The following NAA15 variants were observed in gnomAD, a reference collection of about 807,000 sequenced individuals.
NAA15 encodes the protein N-terminal acetyltransferase.
NAA15 carries 34 observed loss-of-function variants against 114.0 expected under a neutral mutation model. That is an observed-to-expected ratio of 0.30 (90% CI 0.23 to 0.40). The LOEUF is 0.40. Ranked by LOEUF, NAA15 falls within the 10% of genes least tolerant of loss-of-function variation. The pLI is 1.00. For synonymous variants in NAA15, 340 were observed against 338.0 expected (o/e 1.01, Z -0.06); for missense variants, 658 against 1,004.5 (o/e 0.66, Z 4.66).
At chr4:139,346,417 CT>C (rs1404002471) in intron 6 of NAA15, among the ~76,000 whole-genome samples, 6 of 152,040 alleles carry the variant, frequency 3.9e-5, no homozygotes, top group Non-Finnish European at 8.8e-5. Flanking sequence ...TAGAATCAAT[CT>C]TTGGAAATTC....
chr4:139,387,493 G>A (rs1748941412), intron 19 of NAA15, among the ~76,000 whole-genome samples: 1 of 152,202 alleles, frequency 6.6e-6, no homozygotes, highest in Admixed American at 6.5e-5. Flanking sequence ...AGGCATATGT[G>A]CAGTAATTGG....
chr4:139,314,547 A>G (rs921110386), intron 1 of NAA15, among the ~76,000 whole-genome samples: 1 of 151,916 alleles, frequency 6.6e-6, no homozygotes, highest in African/African-American at 2.4e-5. Context: ...ACTCTGAAGT[A>G]TGGCTGTTTA....
rs1553992519 is a variant in NAA15 at position 139,315,006 on chromosome 4, T to TTTAGGTTAGGTTAGG, written c.54+13210_54+13224dup. ...AAGCGTTCAGTTCAGTTCAGTTTAG[T>TTTAGGTTAGGTTAGG]TTAGGTTAGGTTAGGTTAGGTTAGG... On this transcript the variant is annotated intron_variant, in intron 1 of 19. Transcript: ENST00000296543. Among the ~76,000 whole-genome samples the TTTAGGTTAGGTTAGG allele has an allele frequency of 4.4e-3, 443 of 101,526 alleles. 15 individuals carry two copies. The highest frequency in any genetic ancestry group is 0.016 in the East Asian group (58 of 3,722). 66.6% of individuals were successfully genotyped at this position (101,526 alleles called of 152,430 possible).
At chr4:139,304,058 C>G (rs1579075665) in intron 1 of NAA15, among the ~76,000 whole-genome samples, 1 of 152,188 alleles carries the variant, frequency 6.6e-6, no homozygotes, top group African/African-American at 2.4e-5. Flanking sequence ...GCTGGGACTA[C>G]AGGTGCCCGC....
intron 15 of NAA15, among the ~76,000 whole-genome samples, chr4:139,373,438 A>G (rs1748498045): frequency 6.6e-6 from 1 of 152,210 alleles, no homozygotes; most frequent in African/African-American, 2.4e-5. Flanking sequence ...AAACATCATT[A>G]TGTAGCACAT....
chr4:139,353,468 T>C (rs1367361235), intron 9 of NAA15, among the ~76,000 whole-genome samples: 1 of 152,152 alleles, frequency 6.6e-6, no homozygotes, highest in Non-Finnish European at 1.5e-5. Context: ...AAATAAAAAA[T>C]GCTCAGAGAT....
intron 19 of NAA15, among the ~76,000 whole-genome samples, chr4:139,387,028 T>C (rs1334402028): frequency 4.6e-5 from 7 of 152,162 alleles, no homozygotes; most frequent in Non-Finnish European, 1.0e-4. Context: ...TTAATAAATA[T>C]ATTCATTTAA....
chr4:139,328,498 A>G (rs1200147404), intron 1 of NAA15, among the ~76,000 whole-genome samples: 1 of 150,642 alleles, frequency 6.6e-6, no homozygotes, highest in African/African-American at 2.4e-5. Context: ...GTGAGCCACC[A>G]CACCTGGCTG....
chr4:139,322,670 A>G (rs1461286536), intron 1 of NAA15, among the ~76,000 whole-genome samples: 1 of 151,948 alleles, frequency 6.6e-6, no homozygotes, highest in African/African-American at 2.4e-5. Flanking sequence ...TGTTCAGCCT[A>G]CTCTGTGTGA....
In NAA15 at chr4:139,387,918, G is replaced by A. The variant is rs1432474318; in HGVS notation, c.2435G>A (p.Gly812Asp). Residue 812 changes from glycine (G) to aspartate (D), a missense_variant, in exon 20 of 20, where the codon GGT becomes GAT. Transcript: ENST00000296543. ...CMEVLEALYD[G>D]SLGDCKEAAE... ...GAGGTATTGGAAGCCTTGTATGATG[G>A]TAGCCTAGGAGACTGTAAAGAAGCT... 1 of 1,613,804 alleles carries A rather than the reference G, an allele frequency of 6.2e-7. No individual in the cohort carries two copies. The highest frequency in any genetic ancestry group is 8.5e-7 in the Non-Finnish European group (1 of 1,179,928).
At chr4:139,325,805 C>T (rs1746782048) in intron 1 of NAA15, among the ~76,000 whole-genome samples, 1 of 152,050 alleles carries the variant, frequency 6.6e-6, no homozygotes, top group Non-Finnish European at 1.5e-5. Context: ...TGCCACCATG[C>T]CCAGCTAATT....
At chr4:139,314,322 G>A (rs537724681) in intron 1 of NAA15, among the ~76,000 whole-genome samples, 11 of 151,942 alleles carry the variant, frequency 7.2e-5, no homozygotes, top group Admixed American at 3.9e-4. Flanking sequence ...TATGAGACTT[G>A]TTTTGGCTAG....
At chr4:139,333,866 C>G (rs1747112555) in intron 1 of NAA15, among the ~76,000 whole-genome samples, 1 of 151,982 alleles carries the variant, frequency 6.6e-6, no homozygotes, top group African/African-American at 2.4e-5. Flanking sequence ...CGCCACTGTG[C>G]CCTGCCTGGG....
rs989490835 is a variant in NAA15, at chr4:139,355,706, A to G, written c.1087+1608A>G. ...CACTTCTGTCATGACAGAATCTTCTAATGGACAGGTCCAACTAGAGATTTG... is the reference window on the plus strand; with the variant it reads ...CACTTCTGTCATGACAGAATCTTCTGATGGACAGGTCCAACTAGAGATTTG... On this transcript the variant is annotated intron_variant, in intron 10 of 19. Coordinates refer to ENST00000296543, the MANE Select transcript of NAA15 (RefSeq NM_057175.5). 2.6e-5 allele frequency among the ~76,000 whole-genome samples: 4 copies of G among 152,232 alleles called. No homozygotes were observed. The East Asian group carries it at 7.7e-4, about 29-fold the overall frequency.
At chr4:139,322,170 G>A (rs1746639353) in intron 1 of NAA15, among the ~76,000 whole-genome samples, 1 of 152,212 alleles carries the variant, frequency 6.6e-6, no homozygotes, top group Non-Finnish European at 1.5e-5. Context: ...ATTCCCACGT[G>A]TTGTGGGAGG....
At position 139,381,404 on chromosome 4, in the gene NAA15, T is replaced by A. The variant is rs149811674; in HGVS notation, c.2155+2550T>A. The stretch of plus-strand genomic sequence containing the variant: ...TAAAATTAGCACTATTTGGCTGCCT[T>A]GATCTACAGTGAAACTTAGGTCTTT... On this transcript the variant is annotated intron_variant, in intron 17 of 19. Transcript: ENST00000296543. Among the ~76,000 whole-genome samples the A allele has an allele frequency of 1.3e-3, 199 of 152,186 alleles. 1 individual carries two copies. The East Asian group carries it at 0.023, about 18-fold the overall frequency.
chr4:139,344,192 C>A lies in NAA15; in HGVS notation c.544C>A (p.Pro182Thr). Residue 182 changes from proline (P) to threonine (T), a missense_variant, in exon 6 of 20, where the codon CCT becomes ACT. Pro to Thr is a conservative substitution (Grantham distance 38). Around this residue, in one of 6 missense-constraint regions of NAA15, gnomAD observed 281 missense variants for 389.1 expected, o/e 0.72. Coordinates refer to ENST00000296543, the MANE Select transcript of NAA15 (RefSeq NM_057175.5). The part of the protein sequence containing the change: ...EEFRKTQQTS[P>T]DKVDYEYSEL... ...TCCTTATATCCATATACAGACATCC[C>A]CTGACAAGGTGGATTATGAATATAG... 1 of 1,607,680 alleles carries A rather than the reference C, an allele frequency of 6.2e-7. No individual in the cohort carries two copies. The highest frequency in any genetic ancestry group is 1.1e-5 in the South Asian group (1 of 89,448).
chr4:139,327,976 A>G (rs1212932009), intron 1 of NAA15, among the ~76,000 whole-genome samples: 2 of 152,142 alleles, frequency 1.3e-5, no homozygotes, highest in East Asian at 3.8e-4. Flanking sequence ...TAACTTACAC[A>G]TTTAGATCTG....
intron 6 of NAA15, among the ~76,000 whole-genome samples, chr4:139,345,290 T>C (rs1747544195): frequency 6.6e-6 from 1 of 152,178 alleles, no homozygotes; most frequent in African/African-American, 2.4e-5. Flanking sequence ...TAGTCATTCT[T>C]TAGTAGTCTG....
Sources: allele counts gnomAD v4.1 joint callset (sites outside exome capture counted in the v4.1 genomes callset), GRCh38; gene constraint gnomAD v4.1.1; regional missense constraint gnomAD v4.1.1; transcripts MANE v1.5; gene names NCBI Gene and HGNC (gene_info 2026-07-23, HGNC 2026-07-21).